Variants in LRRTM4 observed in about 807,000 individuals in gnomAD.
LRRTM4 encodes the protein leucine-rich repeat transmembrane neuronal protein 4.
In LRRTM4, 25 loss-of-function variants were observed where a neutral mutation model predicts 47.6. The observed-to-expected ratio is 0.53, with a 90% CI of 0.38 to 0.73. The LOEUF is 0.73. Ranked by LOEUF, LRRTM4 falls within the 30% of genes least tolerant of loss-of-function variation. LRRTM4 has a pLI of 0.00. For missense variants in LRRTM4, 638 were observed against 713.4 expected (o/e 0.89, Z 1.20); for synonymous variants, 311 against 269.5 (o/e 1.15, Z -1.51).
chr2:77,078,548 A>T (rs1049226145), intron 3 of LRRTM4, among the ~76,000 whole-genome samples: 1 of 152,128 alleles, frequency 6.6e-6, no homozygotes, highest in African/African-American at 2.4e-5. Context: ...TTTTATTAAC[A>T]TAGCAAGTCA....
intron 3 of LRRTM4, among the ~76,000 whole-genome samples, chr2:77,005,079 G>A (rs1199332581): frequency 1.3e-5 from 2 of 152,004 alleles, no homozygotes; most frequent in African/African-American, 4.8e-5. Flanking sequence ...TTTGGACTTG[G>A]ACTTTTGGGT....
At chr2:76,835,019 T>C (rs2103909367) in intron 3 of LRRTM4, among the ~76,000 whole-genome samples, 1 of 152,168 alleles carries the variant, frequency 6.6e-6, no homozygotes, top group African/African-American at 2.4e-5. Flanking sequence ...ATCCCCATGG[T>C]AATATCATAA....
At chr2:77,187,240 C>T (rs958992979) in intron 3 of LRRTM4, among the ~76,000 whole-genome samples, 1 of 152,122 alleles carries the variant, frequency 6.6e-6, no homozygotes, top group Non-Finnish European at 1.5e-5. Context: ...TACAAAGTTC[C>T]TTGTGAGCAT....
chr2:77,367,113 G>A (rs565289963), intron 3 of LRRTM4, among the ~76,000 whole-genome samples: 2 of 151,760 alleles, frequency 1.3e-5, no homozygotes, highest in South Asian at 4.2e-4. Context: ...GAGCCTGAAT[G>A]TATTGATTTC....
chr2:77,332,708 C>T (rs939208246), intron 3 of LRRTM4, among the ~76,000 whole-genome samples: 19 of 152,144 alleles, frequency 1.2e-4, no homozygotes, highest in African/African-American at 4.3e-4. Context: ...ATTTTTAACA[C>T]TTAATTGGGT....
At chr2:76,994,491 T>A (rs1255396564) in intron 3 of LRRTM4, among the ~76,000 whole-genome samples, 1 of 151,752 alleles carries the variant, frequency 6.6e-6, no homozygotes, top group African/African-American at 2.4e-5. Context: ...CTACTGTTGA[T>A]GCCATGAGCA....
At chr2:77,144,769 G>T (rs999457641) in intron 3 of LRRTM4, among the ~76,000 whole-genome samples, 2 of 150,252 alleles carry the variant, frequency 1.3e-5, no homozygotes, top group Non-Finnish European at 3.0e-5. Context: ...TGATCAAAGA[G>T]AAAAAAAAAG....
intron 3 of LRRTM4, among the ~76,000 whole-genome samples, chr2:77,471,073 T>C (rs1272541499): frequency 2.6e-5 from 4 of 152,106 alleles, no homozygotes; most frequent in Admixed American, 2.6e-4. Context: ...TCAGGCCTTT[T>C]CCCTGAACTC....
intron 3 of LRRTM4, among the ~76,000 whole-genome samples, chr2:77,195,716 C>T (rs1374167884): frequency 1.3e-5 from 2 of 151,924 alleles, no homozygotes; most frequent in Non-Finnish European, 2.9e-5. Flanking sequence ...AGTGGTAATA[C>T]AAAAAATAAG....
At chr2:77,489,162 C>G (rs1484684043) in intron 3 of LRRTM4, among the ~76,000 whole-genome samples, 2 of 151,966 alleles carry the variant, frequency 1.3e-5, no homozygotes, top group African/African-American at 2.4e-5. Context: ...TTCAGTACTA[C>G]TCTATGACGT....
chr2:76,776,136 T>C (rs994605214), intron 3 of LRRTM4, among the ~76,000 whole-genome samples: 3 of 152,240 alleles, frequency 2.0e-5, no homozygotes, highest in Non-Finnish European at 2.9e-5. Flanking sequence ...ATGTCCCACA[T>C]TTTCTTAATC....
chr2:77,290,712 A>C (rs1676799616), intron 3 of LRRTM4, among the ~76,000 whole-genome samples: 1 of 152,072 alleles, frequency 6.6e-6, no homozygotes, highest in South Asian at 2.1e-4. Context: ...TTAAAAAATT[A>C]AGTCCAACCT....
intron 3 of LRRTM4, among the ~76,000 whole-genome samples, chr2:77,058,714 A>G (rs1476220283): frequency 6.6e-6 from 1 of 152,144 alleles, no homozygotes; most frequent in Non-Finnish European, 1.5e-5. Flanking sequence ...ACACACTACA[A>G]AGAGAATTAG....
At chr2:77,285,409 G>A (rs1481382622) in intron 3 of LRRTM4, among the ~76,000 whole-genome samples, 1 of 133,126 alleles carries the variant, frequency 7.5e-6, no homozygotes, top group Non-Finnish European at 1.6e-5. Flanking sequence ...GGTATTGCAA[G>A]CAAATATTAG....
chr2:77,446,448 T>C (rs1018542403), intron 3 of LRRTM4, among the ~76,000 whole-genome samples: 1 of 152,030 alleles, frequency 6.6e-6, no homozygotes, highest in Non-Finnish European at 1.5e-5. Flanking sequence ...GATATAATAT[T>C]GGGTCATAAT....
At chr2:77,333,586 A>T (rs1323361999) in intron 3 of LRRTM4, among the ~76,000 whole-genome samples, 1 of 152,180 alleles carries the variant, frequency 6.6e-6, no homozygotes, top group Non-Finnish European at 1.5e-5. Context: ...GGGTGCAGAG[A>T]AGTCAAGAAT....
At chr2:77,201,080 A>T (rs1391858787) in intron 3 of LRRTM4, among the ~76,000 whole-genome samples, 1 of 152,132 alleles carries the variant, frequency 6.6e-6, no homozygotes, top group East Asian at 1.9e-4. Flanking sequence ...TCAGGAGGGG[A>T]TTCTCCTTTA....
intron 3 of LRRTM4, among the ~76,000 whole-genome samples, chr2:77,072,990 T>A (rs961598159): frequency 6.6e-6 from 1 of 152,088 alleles, no homozygotes; most frequent in African/African-American, 2.4e-5. Flanking sequence ...CTTCCTAAAG[T>A]GTGATGTTAA....
chr2:77,347,449 T>C (rs539241150), intron 3 of LRRTM4, among the ~76,000 whole-genome samples: 9 of 152,178 alleles, frequency 5.9e-5, no homozygotes, highest in Non-Finnish European at 1.3e-4. Flanking sequence ...ATACTCTTAT[T>C]TGGAACATTG....
Sources: allele counts gnomAD v4.1 joint callset (sites outside exome capture counted in the v4.1 genomes callset), GRCh38; gene constraint gnomAD v4.1.1; transcripts MANE v1.5; gene names NCBI Gene and HGNC (gene_info 2026-07-23, HGNC 2026-07-21).